The following SHANK2 variants were observed in gnomAD, a reference collection of about 807,000 sequenced individuals.
SHANK2 encodes SH3 and multiple ankyrin repeat domains protein 2.
Under a neutral mutation model 133.7 loss-of-function variants are expected in SHANK2, and 43 were observed. That is an observed-to-expected ratio of 0.32 (90% CI 0.25 to 0.41). The LOEUF is 0.41. SHANK2 is among the 10% of genes least tolerant of loss of function. SHANK2 has a pLI of 1.00. For synonymous variants in SHANK2, 1,017 were observed against 952.8 expected (o/e 1.07, Z -1.24); for missense variants, 1,994 against 2,235.8 (o/e 0.89, Z 2.18).
intron 11 of SHANK2, among the ~76,000 whole-genome samples, chr11:70,854,105 TG>T (rs1253655541): frequency 2.6e-5 from 4 of 152,014 alleles, no homozygotes; most frequent in African/African-American, 9.7e-5. Context: ...ACTTGGGGAG[TG>T]GGGGAGAAGA....
At chr11:70,673,692 A>G (rs1944857660) in intron 15 of SHANK2, among the ~76,000 whole-genome samples, 1 of 152,340 alleles carries the variant, frequency 6.6e-6, no homozygotes, top group East Asian at 1.9e-4. Flanking sequence ...CCCAACCTGG[A>G]TGGCACAGAG....
chr11:70,810,854 G>C (rs1276325675), intron 12 of SHANK2, among the ~76,000 whole-genome samples: 1 of 152,200 alleles, frequency 6.6e-6, no homozygotes, highest in Admixed American at 6.5e-5. Flanking sequence ...ATCCAGGCTG[G>C]ACCGGCAGCA....
At chr11:70,943,807 C>T in intron 10 of SHANK2, 1 of 417,824 alleles carries the variant, frequency 2.4e-6, no homozygotes, top group East Asian at 7.1e-5. Flanking sequence ...AGCTGCTCCC[C>T]TCCCACCCAA....
At chr11:70,557,372 T>C (rs2059847015) in intron 17 of SHANK2, among the ~76,000 whole-genome samples, 1 of 152,130 alleles carries the variant, frequency 6.6e-6, no homozygotes. Flanking sequence ...CCTGAGGCTC[T>C]TGCTGCTAAC....
In SHANK2 at chr11:70,599,822, A is replaced by G. The variant is rs997181981; in HGVS notation, c.2061+60006T>C. 3.2e-4 allele frequency among the ~76,000 whole-genome samples: 48 copies of G among 147,872 alleles called. 1 individual carries two copies. The highest frequency in any genetic ancestry group is 1.2e-3 in the African/African-American group (47 of 39,850). On this transcript the variant is annotated intron_variant, in intron 17 of 25. Transcript: ENST00000601538. The stretch of plus-strand genomic sequence containing the variant: ...AAGAAAAGAAAGAAGAGGGAGAAGG[A>G]AGGAAGGAAGGAAGGAAGGAGAGAA...
Position 70,820,074 on chromosome 11 carries a change from G to A in SHANK2, c.1493+290C>T, listed in dbSNP as rs113751114. On this transcript the variant is annotated intron_variant, in intron 12 of 25. Transcript: ENST00000601538. ...TACACAAGGAAAGGAAACAGGACCC[G>A]AGAGGCCAGCAGTATCCCCAGTCCA... Among the ~76,000 whole-genome samples the A allele has an allele frequency of 7.5e-3, 1,136 of 152,252 alleles. 13 individuals are homozygous for A. Among genetic ancestry groups the A allele is most frequent in the African/African-American group, 0.025 (1,025 of 41,540 alleles).
At chr11:70,933,918 A>AAAACAAAC (rs537579644) in intron 10 of SHANK2, among the ~76,000 whole-genome samples, 1 of 151,354 alleles carries the variant, frequency 6.6e-6, no homozygotes. Flanking sequence ...AAAAAAACAA[A>AAAACAAAC]AAACAAACAA....
intron 17 of SHANK2, among the ~76,000 whole-genome samples, chr11:70,525,528 A>G (rs2059384416): frequency 6.6e-6 from 1 of 151,912 alleles, no homozygotes; most frequent in African/African-American, 2.4e-5. Flanking sequence ...GAGGTGAGAG[A>G]AAAGGGCATT....
At chr11:71,079,382 G>A (rs970654323) in intron 8 of SHANK2, among the ~76,000 whole-genome samples, 26 of 152,342 alleles carry the variant, frequency 1.7e-4, no homozygotes, top group African/African-American at 4.8e-4. Context: ...TGCTCTCCGC[G>A]TGGAGGGCAT....
chr11:71,064,977 C>T (rs996088229), intron 9 of SHANK2, among the ~76,000 whole-genome samples: 25 of 152,094 alleles, frequency 1.6e-4, no homozygotes, highest in Non-Finnish European at 3.2e-4. Context: ...CAGACAGGCC[C>T]GCCGGAGGTC....
At chr11:70,646,719 T>C (rs1185856914) in intron 17 of SHANK2, among the ~76,000 whole-genome samples, 1 of 152,236 alleles carries the variant, frequency 6.6e-6, no homozygotes, top group Non-Finnish European at 1.5e-5. Flanking sequence ...CAGTCCTTGT[T>C]GGAAAGATTT....
chr11:70,670,128 G>A (rs989137578), intron 15 of SHANK2, among the ~76,000 whole-genome samples: 1 of 152,202 alleles, frequency 6.6e-6, no homozygotes, highest in Non-Finnish European at 1.5e-5. Flanking sequence ...TATTGCCCCT[G>A]AAAGTCCTTC....
chr11:71,124,210 TGATGATGGTGAC>T (rs1565464873), intron 3 of SHANK2, among the ~76,000 whole-genome samples: 3 of 14,658 alleles, frequency 2.0e-4, no homozygotes, highest in African/African-American at 3.8e-4. Context: ...ATGGTGGTGA[TGATGATGGTGAC>T]AATGATGGTA....
At chr11:70,918,175 C>T (rs1950295664) in intron 10 of SHANK2, among the ~76,000 whole-genome samples, 1 of 152,140 alleles carries the variant, frequency 6.6e-6, no homozygotes, top group African/African-American at 2.4e-5. Context: ...TGAGAGCCAA[C>T]TCAACAAGAG....
At chr11:71,213,890 T>C (rs1247387635) in intron 2 of SHANK2, among the ~76,000 whole-genome samples, 1 of 152,182 alleles carries the variant, frequency 6.6e-6, no homozygotes, top group South Asian at 2.1e-4. Flanking sequence ...AGCTGGCTAG[T>C]TCCCAAAGAC....
intron 2 of SHANK2, among the ~76,000 whole-genome samples, chr11:71,162,654 T>C (rs1423054865): frequency 1.3e-5 from 2 of 152,232 alleles, no homozygotes; most frequent in African/African-American, 4.8e-5. Flanking sequence ...AACACTTTCA[T>C]ACATGAATTA....
At chr11:70,731,247 G>A (rs1198655) in intron 14 of SHANK2, among the ~76,000 whole-genome samples, 23,480 of 152,184 alleles carry the variant, frequency 0.15, 2,091 homozygotes, top group South Asian at 0.29. Flanking sequence ...GAAGGTGGCC[G>A]TCTGCAAGCC....
chr11:70,844,621 G>A (rs1249976037), intron 11 of SHANK2, among the ~76,000 whole-genome samples: 3 of 152,194 alleles, frequency 2.0e-5, no homozygotes, highest in South Asian at 2.1e-4. Flanking sequence ...TAATATTCCT[G>A]GAGGATACAT....
intron 14 of SHANK2, among the ~76,000 whole-genome samples, chr11:70,711,446 T>G (rs1555026099): frequency 6.6e-6 from 1 of 152,250 alleles, no homozygotes; most frequent in East Asian, 1.9e-4. Flanking sequence ...AAGAAATTAC[T>G]GATGGGGATG....
Sources: allele counts gnomAD v4.1 joint callset (sites outside exome capture counted in the v4.1 genomes callset), GRCh38; gene constraint gnomAD v4.1.1; transcripts MANE v1.5; gene names NCBI Gene and HGNC (gene_info 2026-07-23, HGNC 2026-07-21).